The following ENTREP2 variants were observed in gnomAD, a reference collection of about 807,000 sequenced individuals.
ENTREP2 encodes the protein protein ENTREP2.
chr15:29,149,240 A>G, the ENTREP2 span, among the ~76,000 whole-genome samples: 3 of 152,238 alleles, frequency 2.0e-5, no homozygotes, highest in Non-Finnish European at 4.4e-5. Flanking sequence ...GGACAGCAAT[A>G]CATTCAGCAG....
the ENTREP2 span, among the ~76,000 whole-genome samples, chr15:29,455,556 G>A: frequency 1.3e-5 from 2 of 152,070 alleles, no homozygotes; most frequent in Admixed American, 1.3e-4. Context: ...ATGATATTAG[G>A]TGAGGACCTA....
At chr15:29,300,335 ATGG>A in the ENTREP2 span, among the ~76,000 whole-genome samples, 1 of 76,286 alleles carries the variant, frequency 1.3e-5, no homozygotes, top group East Asian at 4.9e-4. Flanking sequence ...TGGATGGATG[ATGG>A]ATGGATGGGT....
the ENTREP2 span, among the ~76,000 whole-genome samples, chr15:29,394,882 CTTTTTTTTTT>C: frequency 8.7e-3 from 831 of 95,830 alleles, 9 homozygotes; most frequent in Middle Eastern, 0.055. Context: ...GTCAGAATCT[CTTTTTTTTTT>C]TTTTTTTTTT....
At chr15:29,355,141 G>C in the ENTREP2 span, among the ~76,000 whole-genome samples, 2 of 152,134 alleles carry the variant, frequency 1.3e-5, no homozygotes, top group Non-Finnish European at 2.9e-5. Context: ...CCAGGCCCCA[G>C]AGCCACTCCC....
At chr15:29,484,572 C>T in the ENTREP2 span, among the ~76,000 whole-genome samples, 2 of 152,192 alleles carry the variant, frequency 1.3e-5, no homozygotes, top group Non-Finnish European at 2.9e-5. Context: ...CACACACGCA[C>T]AGACTCTCAC....
the ENTREP2 span, among the ~76,000 whole-genome samples, chr15:29,546,026 C>T: frequency 6.6e-6 from 1 of 152,184 alleles, no homozygotes; most frequent in Admixed American, 6.5e-5. Context: ...GAAGCTACTG[C>T]TGCCTTTGCC....
At chr15:29,283,480 C>G in the ENTREP2 span, among the ~76,000 whole-genome samples, 1 of 152,128 alleles carries the variant, frequency 6.6e-6, no homozygotes, top group Non-Finnish European at 1.5e-5. Context: ...TTTCCAGTAG[C>G]TGGGATTACA....
At chr15:29,294,969 G>A in the ENTREP2 span, among the ~76,000 whole-genome samples, 2 of 152,160 alleles carry the variant, frequency 1.3e-5, no homozygotes, top group African/African-American at 4.8e-5. Flanking sequence ...GAAGGCTGTC[G>A]GTGCTGCAAG....
the ENTREP2 span, among the ~76,000 whole-genome samples, chr15:29,656,731 CTCATA>C: frequency 6.6e-6 from 1 of 152,156 alleles, no homozygotes; most frequent in Non-Finnish European, 1.5e-5. Flanking sequence ...AACAGACTCT[CTCATA>C]TCTTATCTTG....
At chr15:29,268,481 ATG>A in the ENTREP2 span, 1 of 329,594 alleles carries the variant, frequency 3.0e-6, no homozygotes, top group Non-Finnish European at 5.4e-6. Flanking sequence ...CAACTTACTT[ATG>A]TGTTCCTTCT....
chr15:29,414,214 C>T, the ENTREP2 span, among the ~76,000 whole-genome samples: 1 of 152,144 alleles, frequency 6.6e-6, no homozygotes, highest in East Asian at 1.9e-4. Flanking sequence ...CAGCACCATA[C>T]CACACCTATT....
At chr15:29,427,647 C>T in the ENTREP2 span, among the ~76,000 whole-genome samples, 1 of 149,150 alleles carries the variant, frequency 6.7e-6, no homozygotes, top group Non-Finnish European at 1.5e-5. Flanking sequence ...TCCCTCTTTC[C>T]CTTATGAGGG....
chr15:29,409,286 T>C, the ENTREP2 span, among the ~76,000 whole-genome samples: 1 of 152,212 alleles, frequency 6.6e-6, no homozygotes, highest in Admixed American at 6.5e-5. Context: ...AGATTCAAAC[T>C]CATATTACAT....
the ENTREP2 span, among the ~76,000 whole-genome samples, chr15:29,495,162 T>C: frequency 9.8e-5 from 15 of 152,348 alleles, no homozygotes; most frequent in South Asian, 6.2e-4. Flanking sequence ...CCAGCATCAA[T>C]ATATAAGGGT....
chr15:29,165,552 C>T, the ENTREP2 span, among the ~76,000 whole-genome samples: 1 of 152,106 alleles, frequency 6.6e-6, no homozygotes, highest in Non-Finnish European at 1.5e-5. Flanking sequence ...CTATGAACAC[C>T]TTTACACACA....
the ENTREP2 span, among the ~76,000 whole-genome samples, chr15:29,171,839 A>G: frequency 0.091 from 13,783 of 152,252 alleles, 1,616 homozygotes; most frequent in African/African-American, 0.27. Flanking sequence ...GTGATGTGCT[A>G]TCAAAAAGCC....
chr15:29,448,264 A>T, the ENTREP2 span, among the ~76,000 whole-genome samples: 1 of 152,276 alleles, frequency 6.6e-6, no homozygotes, highest in East Asian at 1.9e-4. Flanking sequence ...AGGGAGCCTC[A>T]ATGGGCTCCA....
the ENTREP2 span, among the ~76,000 whole-genome samples, chr15:29,326,721 T>C: frequency 6.6e-6 from 1 of 152,084 alleles, no homozygotes; most frequent in Non-Finnish European, 1.5e-5. Context: ...CTCAAACTTA[T>C]ATGAAGAGGC....
the ENTREP2 span, among the ~76,000 whole-genome samples, chr15:29,342,402 A>G: frequency 5.8e-4 from 89 of 152,258 alleles, no homozygotes; most frequent in African/African-American, 2.1e-3. Flanking sequence ...TGCTTCCCAG[A>G]GATTCTTGGT....
Sources: gnomAD v4.1 joint callset for allele counts (sites outside exome capture counted in the v4.1 genomes callset) on GRCh38, gnomAD v4.1.1 for gene constraint, MANE v1.5 for transcripts, NCBI Gene and HGNC (gene_info 2026-07-23, HGNC 2026-07-21) for gene names.